Variants in PPCDC observed in about 807,000 individuals in gnomAD.
PPCDC encodes phosphopantothenoylcysteine decarboxylase.
Under a neutral mutation model 20.7 loss-of-function variants are expected in PPCDC, and 20 were observed. The ratio of observed to expected loss-of-function variants is 0.97; its 90% CI spans 0.68 to 1.41. The LOEUF is 1.41. PPCDC is among the 40% of genes most tolerant of loss of function. The pLI is 0.00. For missense variants in PPCDC, 246 were observed against 263.8 expected (o/e 0.93, Z 0.47); for synonymous variants, 88 against 100.3 (o/e 0.88, Z 0.73).
intron 2 of PPCDC, among the ~76,000 whole-genome samples, chr15:75,031,261 G>C (rs1183551370): frequency 6.6e-6 from 1 of 152,162 alleles, no homozygotes; most frequent in African/African-American, 2.4e-5. Context: ...GATGCCGGGG[G>C]TTTTGTAGTT....
In PPCDC at chr15:75,050,047, A is replaced by G. The variant is rs963323605; in HGVS notation, c.*812A>G. Reference sequence around the variant, plus strand: ...GATTCAGTGAAATTTTGTGTGCAGAATACCCATGCCACTGAGTGCCTGGAA... The same window carrying G: ...GATTCAGTGAAATTTTGTGTGCAGAGTACCCATGCCACTGAGTGCCTGGAA... On this transcript the variant is annotated 3_prime_UTR_variant, in exon 6 of 6. Coordinates refer to ENST00000342932, the MANE Select transcript of PPCDC (RefSeq NM_021823.5). 1.3e-5 allele frequency: 2 copies of G among 152,236 alleles called. No individual in the cohort carries two copies. Among genetic ancestry groups the G allele is most frequent in the African/African-American group, 4.8e-5 (2 of 41,456 alleles). The allele number at this position is 152,236 out of a possible 1,614,324, so 9.4% of individuals were successfully genotyped here. A position where few individuals can be genotyped will look rare whatever the true frequency, so the allele number is the denominator to read the frequency against.
chr15:75,029,164 C>T (rs2065991964), intron 2 of PPCDC, among the ~76,000 whole-genome samples: 1 of 152,138 alleles, frequency 6.6e-6, no homozygotes, highest in African/African-American at 2.4e-5. Context: ...GTCTTATCCC[C>T]CTTGGTCTTT....
intron 2 of PPCDC, among the ~76,000 whole-genome samples, chr15:75,029,496 A>G (rs1315141743): frequency 1.3e-5 from 2 of 152,140 alleles, no homozygotes; most frequent in African/African-American, 2.4e-5. Flanking sequence ...CCACGTGGTC[A>G]CATCAGCTGG....
intron 2 of PPCDC, among the ~76,000 whole-genome samples, chr15:75,034,998 G>A (rs1449602113): frequency 2.0e-5 from 3 of 149,640 alleles, no homozygotes; most frequent in Non-Finnish European, 4.4e-5. Flanking sequence ...TGTGGCAGCC[G>A]CTTGCCACAT....
intron 2 of PPCDC, among the ~76,000 whole-genome samples, chr15:75,035,985 GA>G (rs1029976841): frequency 7.0e-5 from 10 of 143,708 alleles, no homozygotes; most frequent in African/African-American, 1.8e-4. Context: ...AAAAAAAAAG[GA>G]AAAAAACTTT....
At chr15:75,027,965 A>G (rs12591994) in intron 1 of PPCDC, among the ~76,000 whole-genome samples, 13,225 of 151,998 alleles carry the variant, frequency 0.087, 1,265 homozygotes, top group South Asian at 0.43. Context: ...CTCAACCCCA[A>G]TGTCATTTTT....
Position 75,044,707 on chromosome 15 carries a change from G to T in PPCDC, c.360+193G>T. ...AGCACATGGGCACAGCCCTGGTCCT[G>T]ATGGGTCAGTGTGACCTGCCACTGC... On this transcript the variant is annotated intron_variant, in intron 4 of 5. Coordinates refer to ENST00000342932, the MANE Select transcript of PPCDC (RefSeq NM_021823.5). The T allele has an allele frequency of 2.8e-6, 2 of 725,306 alleles. 1 individual carries two copies. The highest frequency in any genetic ancestry group is 3.8e-5 in the South Asian group (2 of 53,286). 44.9% of individuals were successfully genotyped at this position (725,306 alleles called of 1,614,324 possible).
At chr15:75,039,853 C>T (rs1447189550) in intron 2 of PPCDC, among the ~76,000 whole-genome samples, 1 of 147,084 alleles carries the variant, frequency 6.8e-6, no homozygotes, top group Non-Finnish European at 1.5e-5. Flanking sequence ...GGTGCGATCT[C>T]AGCTCACTGC....
At chr15:75,039,355 G>T (rs1250969658) in intron 2 of PPCDC, among the ~76,000 whole-genome samples, 3 of 152,184 alleles carry the variant, frequency 2.0e-5, no homozygotes, top group African/African-American at 7.2e-5. Context: ...GGGTCAAGTA[G>T]GGGAAGCAGG....
intron 4 of PPCDC, among the ~76,000 whole-genome samples, chr15:75,045,729 C>T (rs1320157784): frequency 1.3e-5 from 2 of 151,996 alleles, no homozygotes; most frequent in African/African-American, 4.8e-5. Context: ...AAGAGAGAGC[C>T]TGGGTGCAAT....
intron 4 of PPCDC, among the ~76,000 whole-genome samples, chr15:75,047,526 C>T (rs2066252869): frequency 1.3e-5 from 2 of 152,236 alleles, no homozygotes; most frequent in South Asian, 4.1e-4. Context: ...GCTCACAGCC[C>T]TGGAAGAGGT....
chr15:75,034,654 A>G (rs953208588), intron 2 of PPCDC, among the ~76,000 whole-genome samples: 12 of 152,238 alleles, frequency 7.9e-5, no homozygotes, highest in African/African-American at 2.9e-4. Context: ...ACCTGGGCAC[A>G]GATCTGGAGC....
At chr15:75,034,112 A>G (rs776081881) in intron 2 of PPCDC, among the ~76,000 whole-genome samples, 8 of 152,108 alleles carry the variant, frequency 5.3e-5, no homozygotes, top group Non-Finnish European at 7.4e-5. Flanking sequence ...TGGCCCATGC[A>G]TGGGTCATAA....
Position 75,033,531 on chromosome 15 carries a change from G to C in PPCDC, c.135+5078G>C, listed in dbSNP as rs539335952. Among the ~76,000 whole-genome samples the C allele has an allele frequency of 1.4e-3, 206 of 149,864 alleles. 1 individual carries two copies. Among genetic ancestry groups the C allele is most frequent in the Middle Eastern group, 7.1e-3 (2 of 282 alleles). On this transcript the variant is annotated intron_variant, in intron 2 of 5. Transcript: ENST00000342932. ...TGTGTGTGTGTTTTTTTGTTTGTTT[G>C]TTTGTTTTAAGTCAGTGGGGCTTTT...
rs147259525 is a variant in PPCDC at position 75,043,531 on chromosome 15, T to C, written c.226T>C (p.Trp76Arg). 374 of 1,608,342 alleles carry C rather than the reference T, an allele frequency of 2.3e-4. 2 individuals carry two copies. Among genetic ancestry groups the C allele is most frequent in the Non-Finnish European group, 2.9e-4 (336 of 1,177,134 alleles). Residue 76 changes from tryptophan (W) to arginine (R), a missense_variant, in exon 3 of 6, where the codon TGG becomes CGG. Around this residue, in one of 2 missense-constraint regions of PPCDC, gnomAD observed 225 missense variants for 222.6 expected, o/e 1.01. Transcript: ENST00000342932. ...CACCCTCTACAGCGACGCTGATGAA[T>C]GGGAGGTCAGTGCTGGGGCCCCTGG... ...PVTLYSDADE[W>R]EIWKSRSDPV...
chr15:75,040,877 T>C (rs2066144864), intron 2 of PPCDC, among the ~76,000 whole-genome samples: 1 of 152,208 alleles, frequency 6.6e-6, no homozygotes, highest in Non-Finnish European at 1.5e-5. Context: ...TTGCCCAGGC[T>C]GGTGTTGAAC....
intron 1 of PPCDC, 50 bp from the exon 2 acceptor site, chr15:75,028,197 A>T: frequency 1.5e-6 from 2 of 1,347,496 alleles, no homozygotes; most frequent in South Asian, 1.5e-5. Flanking sequence ...TGCTCCATAC[A>T]TTCTGGTCGA....
At chr15:75,024,389 C>T (rs1315931880) in intron 1 of PPCDC, among the ~76,000 whole-genome samples, 1 of 152,134 alleles carries the variant, frequency 6.6e-6, no homozygotes, top group Non-Finnish European at 1.5e-5. Flanking sequence ...ATTCTGTGAC[C>T]CAGGCTGGAG....
intron 1 of PPCDC, among the ~76,000 whole-genome samples, chr15:75,027,826 G>A (rs2065975311): frequency 6.6e-6 from 1 of 152,026 alleles, no homozygotes; most frequent in South Asian, 2.1e-4. Context: ...ATCACAGTCC[G>A]GCCTCACTAG....
Sources: allele counts gnomAD v4.1 joint callset (sites outside exome capture counted in the v4.1 genomes callset), GRCh38; gene constraint gnomAD v4.1.1; regional missense constraint gnomAD v4.1.1; transcripts MANE v1.5; gene names NCBI Gene and HGNC (gene_info 2026-07-23, HGNC 2026-07-21).